The following GPM6B variants were observed in gnomAD, a reference collection of about 807,000 sequenced individuals.
GPM6B encodes the protein neuronal membrane glycoprotein M6-b.
A neutral mutation model predicts 27.2 loss-of-function variants in GPM6B; 4 were observed. The ratio of observed to expected loss-of-function variants is 0.15; its 90% CI spans 0.07 to 0.34. The LOEUF is 0.34. Ranked by LOEUF, GPM6B falls within the 10% of genes least tolerant of loss-of-function variation. GPM6B has a pLI of 1.00. For synonymous variants in GPM6B, 124 were observed against 103.1 expected, an observed-to-expected ratio of 1.20 and a Z score of -1.23; for missense variants, 183 against 261.9, an observed-to-expected ratio of 0.70 and a Z score of 2.08.
At position 13,783,489 on chromosome X, in the gene GPM6B, A is replaced by G; in HGVS notation, c.401T>C (p.Ile134Thr). 1 of 1,204,368 alleles carries G rather than the reference A, an allele frequency of 8.3e-7. No homozygotes were observed. The highest frequency in any genetic ancestry group is 1.1e-6 in the Non-Finnish European group (1 of 890,711). Residue 134 changes from isoleucine to threonine, a missense_variant, in exon 4 of 8, where the codon ATT (isoleucine) becomes ACT (threonine). Coordinates refer to ENST00000316715, the MANE Select transcript of GPM6B (RefSeq NM_001001995.3). The part of the protein sequence containing the change: ...IQLMQYVIYG[I>T]ASFFFLYGII... ...CCCATACAAGAAGAAAAAGGACGCAATTCCATAGATGACATACTGCATCAG... is the reference window on the plus strand; with the variant it reads ...CCCATACAAGAAGAAAAAGGACGCAGTTCCATAGATGACATACTGCATCAG...
intron 1 of GPM6B, among the ~76,000 whole-genome samples, chrX:13,814,506 T>C (rs1207031019): frequency 8.9e-6 from 1 of 112,903 alleles, no homozygotes; most frequent in African/African-American, 3.2e-5. Flanking sequence ...ACACATTCTA[T>C]AAATAATTAT....
At chrX:13,864,797 G>A (rs2049890875) in intron 1 of GPM6B, among the ~76,000 whole-genome samples, 1 of 111,502 alleles carries the variant, frequency 9.0e-6, no homozygotes, top group East Asian at 2.8e-4. Context: ...TGCTTCCAAC[G>A]TATAGTAAAG....
chrX:13,900,954 T>C (rs1419389476), intron 1 of GPM6B, among the ~76,000 whole-genome samples: 2 of 111,865 alleles, frequency 1.8e-5, no homozygotes, highest in East Asian at 5.6e-4. Flanking sequence ...GCAGAGATGG[T>C]TCTAGACTTA....
rs2048324058 is a variant in GPM6B at position 13,772,738 on chromosome X, A to G, written c.*143T>C. On this transcript the variant is annotated 3_prime_UTR_variant, in exon 8 of 8. Coordinates refer to ENST00000316715, the MANE Select transcript of GPM6B (RefSeq NM_001001995.3). ...TACCCACTGGAAGGTTTTCCTAGAG[A>G]TACATCCCAGCAGCTTGAGACAGAC... The G allele has an allele frequency of 6.5e-6, 3 of 461,806 alleles. No homozygotes were observed. The highest frequency in any genetic ancestry group is 4.2e-5 in the Admixed American group (1 of 23,970). 38.1% of individuals were successfully genotyped at this position (461,806 alleles called of 1,213,427 possible).
intron 1 of GPM6B, among the ~76,000 whole-genome samples, chrX:13,808,233 G>C (rs1423829177): frequency 1.8e-5 from 2 of 112,537 alleles, no homozygotes; most frequent in Non-Finnish European, 3.8e-5. Flanking sequence ...ATGGTCTGCT[G>C]TTTCTTGGAT....
chrX:13,827,501 G>C (rs996590825), intron 1 of GPM6B, among the ~76,000 whole-genome samples: 1 of 110,590 alleles, frequency 9.0e-6, no homozygotes, highest in Non-Finnish European at 1.9e-5. Flanking sequence ...ATAAATGCAA[G>C]CCTCCCTGGA....
chrX:13,804,802 AAAAAAAAAAAG>A (rs1463504999), intron 2 of GPM6B, among the ~76,000 whole-genome samples: 6 of 54,830 alleles, frequency 1.1e-4, no homozygotes, highest in Admixed American at 2.6e-4. Context: ...AAAAATTAAT[AAAAAAAAAAAG>A]AAAAAAAAAA....
intron 1 of GPM6B, among the ~76,000 whole-genome samples, chrX:13,921,409 T>G (rs1274040616): frequency 5.4e-5 from 6 of 111,898 alleles, no homozygotes; most frequent in African/African-American, 6.5e-5. Flanking sequence ...CCACAGGGGT[T>G]CTTGGCTTTG....
chrX:13,784,009 T>C (rs1040246534), intron 3 of GPM6B: 2 of 246,907 alleles, frequency 8.1e-6, no homozygotes, highest in Admixed American at 5.1e-5. Context: ...AGGGCTTCTT[T>C]AGGGGGTAAT....
intron 1 of GPM6B, among the ~76,000 whole-genome samples, chrX:13,812,049 T>TA (rs1207609635): frequency 6.0e-5 from 5 of 83,201 alleles, no homozygotes; most frequent in Non-Finnish European, 9.2e-5. Context: ...CTTTTCTTTC[T>TA]TTTTTTTTTT....
At chrX:13,868,303 C>T (rs1242683639) in intron 1 of GPM6B, among the ~76,000 whole-genome samples, 2 of 111,253 alleles carry the variant, frequency 1.8e-5, no homozygotes, top group Non-Finnish European at 3.8e-5. Context: ...GTGAAAATTG[C>T]TAGATTTCAA....
chrX:13,816,221 T>C (rs375475102), intron 1 of GPM6B, among the ~76,000 whole-genome samples: 16 of 111,165 alleles, frequency 1.4e-4, no homozygotes, highest in African/African-American at 4.3e-4. Context: ...CCTTTATCAA[T>C]TTTCTTCCCC....
intron 1 of GPM6B, among the ~76,000 whole-genome samples, chrX:13,892,601 C>G (rs758785948): frequency 2.1e-4 from 24 of 111,809 alleles, no homozygotes; most frequent in South Asian, 3.8e-4. Context: ...CTCACTGTCA[C>G]CCAGGCTGGA....
rs761891419 is a variant in GPM6B, at chrX:13,877,824, C to CAAAAAAAAAAAAAAA, written c.-198+60488_-198+60502dup. On this transcript the variant is annotated intron_variant, in intron 1 of 6. Coordinates refer to the GPM6B transcript ENST00000398361. ...CCTGGGCATTAGAGCCAGACTCTGCCAAAAAAAAAAAAAAAAAAAAAAAAA... is the reference window on the plus strand; with the variant it reads ...CCTGGGCATTAGAGCCAGACTCTGCCAAAAAAAAAAAAAAAAAAAAAAAAAAAAAAAAAAAAAAAA... Among the ~76,000 whole-genome samples the CAAAAAAAAAAAAAAA allele has an allele frequency of 2.0e-3, 56 of 27,462 alleles. 7 individuals are homozygous for CAAAAAAAAAAAAAAA. The highest frequency in any genetic ancestry group is 4.4e-3 in the African/African-American group (24 of 5,455). The allele number at this position is 27,462 out of a possible 115,157, so 23.8% of individuals were successfully genotyped here.
chrX:13,921,451 T>C (rs920663381), intron 1 of GPM6B, among the ~76,000 whole-genome samples: 3 of 111,458 alleles, frequency 2.7e-5, no homozygotes, highest in African/African-American at 9.8e-5. Flanking sequence ...TAGCCAGAGG[T>C]AGAGGAAAAA....
intron 1 of GPM6B, among the ~76,000 whole-genome samples, chrX:13,904,238 A>T (rs1162799582): frequency 8.9e-6 from 1 of 112,155 alleles, no homozygotes; most frequent in Non-Finnish European, 1.9e-5. Context: ...TATAACATAC[A>T]CTTCCAAAGT....
chrX:13,837,469 C>T (rs751763091), intron 1 of GPM6B, among the ~76,000 whole-genome samples: 11 of 111,094 alleles, frequency 9.9e-5, no homozygotes, highest in Non-Finnish European at 1.5e-4. Flanking sequence ...CCAGGCAGCC[C>T]GCAGACCCAG....
rs374171421 is a variant in GPM6B at position 13,837,415 on chromosome X, G to T, written c.-197-51607C>A. ...TGAGTCACCAGTAGATTGTGGCAGT[G>T]CCTGGGGGAAGGGCAGAACAGACCC... On this transcript the variant is annotated intron_variant, in intron 1 of 6. Transcript: ENST00000398361. Among the ~76,000 whole-genome samples the T allele has an allele frequency of 2.2e-4, 24 of 111,623 alleles. No homozygotes were observed. In the East Asian group the frequency reaches 6.5e-3, roughly 30 times the overall value.
At chrX:13,786,254 A>T (rs1327585503) in intron 2 of GPM6B, among the ~76,000 whole-genome samples, 1 of 112,379 alleles carries the variant, frequency 8.9e-6, no homozygotes, top group Admixed American at 9.4e-5. Context: ...CCAGCCTCAC[A>T]GTTCTGGGGT....
Sources: allele counts gnomAD v4.1 joint callset (sites outside exome capture counted in the v4.1 genomes callset), GRCh38; gene constraint gnomAD v4.1.1; transcripts MANE v1.5; gene names NCBI Gene and HGNC (gene_info 2026-07-23, HGNC 2026-07-21).